Variants in ANKS6 observed in about 807,000 individuals in gnomAD.
The protein encoded by ANKS6 is ankyrin repeat and SAM domain-containing protein 6.
In ANKS6, 47 loss-of-function variants were observed where a neutral mutation model predicts 77.9. That is an observed-to-expected ratio of 0.60 (90% CI 0.48 to 0.77). The LOEUF (loss-of-function observed/expected upper bound fraction) is 0.77. Ranked by LOEUF, ANKS6 falls within the 30% of genes least tolerant of loss-of-function variation. The pLI is 0.00. For synonymous variants in ANKS6, 488 were observed against 501.7 expected, an observed-to-expected ratio of 0.97 and a Z score of 0.37; for missense variants, 1,150 against 1,159.1, an observed-to-expected ratio of 0.99 and a Z score of 0.11.
rs559760200 is a variant in ANKS6, at chr9:98,751,021, A to T, written c.2394+8T>A. ...ATTTAAATTGACATTCAAAAAGAGC[A>T]TTCTTACCTCTTGTTCCTCAAAAAT... On this transcript the variant is annotated splice_region_variant and intron_variant, in intron 13 of 14. Coordinates refer to ENST00000353234, the MANE Select transcript of ANKS6 (RefSeq NM_173551.5). The T allele has an allele frequency of 3.1e-6, 5 of 1,599,960 alleles. No homozygotes were observed. Among genetic ancestry groups the T allele is most frequent in the Non-Finnish European group, 4.3e-6 (5 of 1,173,010 alleles).
chr9:98,779,853 G>A (rs7357783), intron 6 of ANKS6, among the ~76,000 whole-genome samples: 1 of 151,694 alleles, frequency 6.6e-6, no homozygotes, highest in Non-Finnish European at 1.5e-5. Flanking sequence ...TAGTAGAGAC[G>A]GGGTTTCACC....
intron 1 of ANKS6, among the ~76,000 whole-genome samples, chr9:98,794,554 T>C (rs1046111523): frequency 4.6e-5 from 7 of 152,174 alleles, no homozygotes; most frequent in African/African-American, 1.7e-4. Context: ...GCTACCTGAA[T>C]ATAGAGTCGG....
chr9:98,756,343 G>C, intron 12 of ANKS6, 77 bp downstream of exon 12: 3 of 1,501,996 alleles, frequency 2.0e-6, no homozygotes, highest in Non-Finnish European at 2.7e-6. Context: ...AGCAATTAAG[G>C]TCACCTTGCA....
In ANKS6 at chr9:98,771,527, T is replaced by C. The variant is rs141802463; in HGVS notation, c.1822-481A>G. Among the ~76,000 whole-genome samples the C allele has an allele frequency of 2.5e-3, 374 of 152,308 alleles. 5 individuals are homozygous for C. The South Asian group carries it at 0.029, about 12-fold the overall frequency. Reference sequence around the variant, plus strand: ...CTTTATGGTGTCTTTCCTGGCCCCATTGTCCCTGGTGCCAGTGCTCCTGGT... The same window carrying C: ...CTTTATGGTGTCTTTCCTGGCCCCACTGTCCCTGGTGCCAGTGCTCCTGGT... On this transcript the variant is annotated intron_variant, in intron 9 of 14. Transcript: ENST00000353234.
rs1588307224 is a variant in ANKS6, at chr9:98,735,819, A to T, written c.*700T>A. 1 of 1,231,784 alleles carries T rather than the reference A, an allele frequency of 8.1e-7. No individual in the cohort carries two copies. Among genetic ancestry groups the T allele is most frequent in the East Asian group, 3.2e-5 (1 of 31,704 alleles). 76.3% of individuals were successfully genotyped at this position (1,231,784 alleles called of 1,614,324 possible). Reference sequence around the variant, plus strand: ...CGTTTGACATACACATCTCCAATGTAAGCTGTATGCAGCAGGTGCAGTGGA... The same window carrying T: ...CGTTTGACATACACATCTCCAATGTTAGCTGTATGCAGCAGGTGCAGTGGA... On this transcript the variant is annotated 3_prime_UTR_variant, in exon 15 of 15. Coordinates refer to ENST00000353234, the MANE Select transcript of ANKS6 (RefSeq NM_173551.5).
At chr9:98,759,389 TGG>T (rs1435328543) in intron 11 of ANKS6, among the ~76,000 whole-genome samples, 1 of 152,216 alleles carries the variant, frequency 6.6e-6, no homozygotes, top group African/African-American at 2.4e-5. Flanking sequence ...AGTTCTGCAG[TGG>T]ACACCAGCTA....
intron 3 of ANKS6, 46 bp from the exon 4 acceptor site, chr9:98,784,203 A>G: frequency 6.8e-7 from 1 of 1,474,698 alleles, no homozygotes; most frequent in Non-Finnish European, 9.1e-7. Context: ...GCCTGGTACC[A>G]TAGGCTGATT....
At chr9:98,773,803 C>G (rs1833767105) in intron 9 of ANKS6, 74 bp downstream of exon 9, 1 of 1,330,368 alleles carries the variant, frequency 7.5e-7, no homozygotes, top group African/African-American at 1.5e-5. Context: ...GGTTTGAGGT[C>G]CCGCTGCCTG....
chr9:98,788,769 T>C (rs1445922591), intron 2 of ANKS6, among the ~76,000 whole-genome samples: 2 of 152,224 alleles, frequency 1.3e-5, no homozygotes, highest in African/African-American at 2.4e-5. Flanking sequence ...GAATCACCTC[T>C]AGGTGCTCTT....
intron 9 of ANKS6, among the ~76,000 whole-genome samples, chr9:98,772,411 G>A (rs1202489874): frequency 6.6e-6 from 1 of 152,226 alleles, no homozygotes; most frequent in African/African-American, 2.4e-5. Flanking sequence ...GGGCCCTGCT[G>A]ACACCTTGAT....
chr9:98,783,871 C>A (rs554138041), intron 4 of ANKS6, 82 bp downstream of exon 4: 1 of 1,288,456 alleles, frequency 7.8e-7, no homozygotes. Flanking sequence ...ATCTCAGGAC[C>A]AGAAGAGCCC....
rs1833010661 is a variant in ANKS6 at position 98,761,569 on chromosome 9, A to G, written c.2143-4966T>C. ...GTTCTGATTAAGTCCAAATTTGCCA[A>G]TTTTTTCTTTTATGTATCATGCTTT... On this transcript the variant is annotated intron_variant, in intron 11 of 14. Transcript: ENST00000353234. Among the ~76,000 whole-genome samples the G allele has an allele frequency of 3.9e-5, 6 of 152,208 alleles. No individual in the cohort carries two copies. The South Asian group carries it at 1.2e-3, about 32-fold the overall frequency.
intron 3 of ANKS6, 104 bp downstream of exon 3, chr9:98,784,728 T>C: frequency 9.1e-7 from 1 of 1,102,860 alleles, no homozygotes; most frequent in Non-Finnish European, 1.3e-6. Context: ...GCCTGTTTCT[T>C]TCTCAAATAC....
chr9:98,787,496 G>A (rs1834639960), intron 2 of ANKS6, among the ~76,000 whole-genome samples: 1 of 151,922 alleles, frequency 6.6e-6, no homozygotes, highest in African/African-American at 2.4e-5. Flanking sequence ...TCAGGGATTT[G>A]GATCTCATTT....
chr9:98,766,665 G>C (rs1158971244), intron 11 of ANKS6, among the ~76,000 whole-genome samples: 3 of 151,968 alleles, frequency 2.0e-5, no homozygotes, highest in Non-Finnish European at 4.4e-5. Context: ...AATCTTTTTG[G>C]AGCTATACTG....
At position 98,782,345 on chromosome 9, in the gene ANKS6, A is replaced by G. The variant is rs7020056; in HGVS notation, c.1219+122T>C. On this transcript the variant is annotated intron_variant, in intron 5 of 14. Transcript: ENST00000353234. ...ATGCAGTAAGCTCCTGACACTTGAG[A>G]GTGACTTTCCCCCACGAATAAGCAA... 0.61 allele frequency: 527,780 copies of G among 860,722 alleles called. 165,509 individuals are homozygous for G. Among genetic ancestry groups the G allele is most frequent in the African/African-American group, 0.74 (44,172 of 59,538 alleles). 53.3% of individuals were successfully genotyped at this position (860,722 alleles called of 1,614,324 possible).
intron 3 of ANKS6, 147 bp downstream of exon 3, chr9:98,784,685 G>C: frequency 1.5e-6 from 1 of 687,372 alleles, no homozygotes; most frequent in South Asian, 2.2e-5. Flanking sequence ...CTGGCCTCCA[G>C]GATCTGAACT....
In ANKS6 at chr9:98,758,845, A is replaced by T. The variant is rs77913358; in HGVS notation, c.2143-2242T>A. ...TTTTAGCCCATATCCTGGTAAGGAT[A>T]ACAGAATTGTTAGCCCATATCCTGG... On this transcript the variant is annotated intron_variant, in intron 11 of 14. Transcript: ENST00000353234. Among the ~76,000 whole-genome samples the T allele has an allele frequency of 8.9e-3, 1,353 of 152,324 alleles. 21 individuals carry two copies. The highest frequency in any genetic ancestry group is 0.031 in the African/African-American group (1,281 of 41,580).
chr9:98,755,398 T>C (rs1401390756), intron 12 of ANKS6, among the ~76,000 whole-genome samples: 4 of 152,310 alleles, frequency 2.6e-5, no homozygotes, highest in Admixed American at 6.5e-5. Context: ...TACAGGCCTC[T>C]AGAGGGCAGT....
Sources: allele counts gnomAD v4.1 joint callset (sites outside exome capture counted in the v4.1 genomes callset), GRCh38; gene constraint gnomAD v4.1.1; transcripts MANE v1.5; gene names NCBI Gene and HGNC (gene_info 2026-07-23, HGNC 2026-07-21).